Variants in FREM1 observed in about 807,000 individuals in gnomAD.
The protein encoded by FREM1 is FRAS1 related extracellular matrix 1.
FREM1 carries 220 observed loss-of-function variants against 210.1 expected under a neutral mutation model. The observed-to-expected ratio is 1.05, with a 90% CI of 0.94 to 1.17. FREM1 has a LOEUF of 1.17. FREM1 is among the 50% of genes most tolerant of loss of function. FREM1 has a pLI of 0.00. For missense variants in FREM1, 3,454 were observed against 2,675.5 expected (o/e 1.29, Z -6.42); for synonymous variants, 1,189 against 980.2 (o/e 1.21, Z -3.98).
intron 23 of FREM1, among the ~76,000 whole-genome samples, chr9:14,787,987 A>C (rs1850679027): frequency 6.6e-6 from 1 of 152,214 alleles, no homozygotes. Flanking sequence ...AAACTGAATT[A>C]ATTTTTTAAA....
At chr9:14,743,517 C>A (rs1423747470) in intron 35 of FREM1, among the ~76,000 whole-genome samples, 1 of 152,020 alleles carries the variant, frequency 6.6e-6, no homozygotes, top group Non-Finnish European at 1.5e-5. Context: ...CAATGTGACA[C>A]CACCATCCAT....
intron 1 of FREM1, among the ~76,000 whole-genome samples, chr9:14,880,287 A>G (rs1323488201): frequency 6.6e-6 from 1 of 152,158 alleles, no homozygotes; most frequent in Non-Finnish European, 1.5e-5. Flanking sequence ...TAAAAAAAGG[A>G]AAAGAAGAGC....
At chr9:14,749,491 C>T (rs1320331410) in intron 30 of FREM1, among the ~76,000 whole-genome samples, 1 of 152,004 alleles carries the variant, frequency 6.6e-6, no homozygotes, top group Non-Finnish European at 1.5e-5. Context: ...TACGAACACT[C>T]GTCAAATGCT....
intron 14 of FREM1, among the ~76,000 whole-genome samples, chr9:14,817,808 C>G (rs757154595): frequency 6.6e-6 from 1 of 152,142 alleles, no homozygotes; most frequent in Non-Finnish European, 1.5e-5. Flanking sequence ...GTCCCACATC[C>G]TCCCCACCCT....
chr9:14,760,759 C>A (rs1845342467), intron 27 of FREM1, among the ~76,000 whole-genome samples: 1 of 152,164 alleles, frequency 6.6e-6, no homozygotes, highest in African/African-American at 2.4e-5. Context: ...TACCATTTCT[C>A]TCCCCAACTG....
At chr9:14,782,851 A>G (rs1345682650) in intron 24 of FREM1, among the ~76,000 whole-genome samples, 1 of 152,186 alleles carries the variant, frequency 6.6e-6, no homozygotes, top group Non-Finnish European at 1.5e-5. Context: ...GCATCATTCC[A>G]TTTCAAAGAA....
intron 1 of FREM1, among the ~76,000 whole-genome samples, chr9:14,908,739 C>G (rs1818229805): frequency 6.6e-6 from 1 of 152,154 alleles, no homozygotes; most frequent in Non-Finnish European, 1.5e-5. Flanking sequence ...CAATGTAGAG[C>G]AATGTTTACC....
chr9:14,867,660 G>A (rs565883329), intron 2 of FREM1, among the ~76,000 whole-genome samples: 1 of 152,086 alleles, frequency 6.6e-6, no homozygotes, highest in African/African-American at 2.4e-5. Flanking sequence ...GTAATACCTA[G>A]TACCACTTTT....
In FREM1 at chr9:14,775,925, C is replaced by T. The variant is rs1563897864; in HGVS notation, c.4721G>A (p.Ser1574Asn). ...TGAGTGCCGATAGGCCACATTCTTG[C>T]TGTCCACATCCTGCTGGGTGAAATT... ...QHNFTQQDVD[S>N]KNVAYRHSGG... The change falls in exon 25 of 37, where the codon AGC (serine) becomes AAC (asparagine). Residue 1574 changes from serine to asparagine, a missense_variant. Ser to Asn is a conservative substitution (Grantham distance 46). Coordinates refer to ENST00000380880, the MANE Select transcript of FREM1 (RefSeq NM_001379081.2). 6.2e-7 allele frequency: 1 copy of T among 1,613,992 alleles called. No individual in the cohort carries two copies. The highest frequency in any genetic ancestry group is 8.5e-7 in the Non-Finnish European group (1 of 1,179,876).
intron 22 of FREM1, 79 bp from the exon 23 acceptor site, chr9:14,789,193 C>A: frequency 1.2e-6 from 1 of 836,962 alleles, no homozygotes; most frequent in Non-Finnish European, 1.7e-6. Context: ...TTTTCTGTAT[C>A]CCCTAAAAAC....
chr9:14,782,403 T>C (rs919673342), intron 24 of FREM1: 3 of 945,824 alleles, frequency 3.2e-6, no homozygotes, highest in Admixed American at 6.2e-5. Context: ...ATGCATTCAG[T>C]CCTGTGTTCT....
At position 14,747,767 on chromosome 9, in the gene FREM1, T is replaced by A. The variant is rs369579969; in HGVS notation, c.5797-39A>T. ...AGAACAAAATATGAACAGAATTGGATTGACTAATAACTAGCAATAGGGTAA... is the reference window on the plus strand; with the variant it reads ...AGAACAAAATATGAACAGAATTGGAATGACTAATAACTAGCAATAGGGTAA... On this transcript the variant is annotated intron_variant, in intron 31 of 36. Transcript: ENST00000380880. The A allele has an allele frequency of 2.4e-5, 32 of 1,318,242 alleles. No homozygotes were observed. The African/African-American group carries it at 3.7e-4, about 15-fold the overall frequency. The allele number at this position is 1,318,242 out of a possible 1,614,324, so 81.7% of individuals were successfully genotyped here.
At chr9:14,771,611 C>G (rs1018312964) in intron 25 of FREM1, among the ~76,000 whole-genome samples, 3 of 152,116 alleles carry the variant, frequency 2.0e-5, no homozygotes, top group African/African-American at 4.8e-5. Context: ...TAGAACAGAT[C>G]CACCACTGAT....
At position 14,752,751 on chromosome 9, in the gene FREM1, G is replaced by A. The variant is rs563293818; in HGVS notation, c.5408-2475C>T. Reference sequence around the variant, plus strand: ...TGTTTTGACCCTCAAAGACCATAAAGTTAAGCATCATGTAAATAAAATCCA... The same window carrying A: ...TGTTTTGACCCTCAAAGACCATAAAATTAAGCATCATGTAAATAAAATCCA... On this transcript the variant is annotated intron_variant, in intron 29 of 36. Transcript: ENST00000380880. Among the ~76,000 whole-genome samples the A allele has an allele frequency of 2.2e-4, 34 of 152,188 alleles. No homozygotes were observed. The South Asian group carries it at 6.4e-3, about 29-fold the overall frequency.
intron 5 of FREM1, among the ~76,000 whole-genome samples, chr9:14,854,258 T>A (rs1173937270): frequency 6.6e-6 from 1 of 152,174 alleles, no homozygotes; most frequent in African/African-American, 2.4e-5. Flanking sequence ...ATTTTTTTAA[T>A]TAGCAAGAAA....
At chr9:14,906,182 AC>A (rs1259935869) in intron 1 of FREM1, among the ~76,000 whole-genome samples, 1 of 152,198 alleles carries the variant, frequency 6.6e-6, no homozygotes, top group South Asian at 2.1e-4. Flanking sequence ...AGTATCAATG[AC>A]CTCATTTTAC....
chr9:14,752,360 T>G (rs1843540576), intron 29 of FREM1, among the ~76,000 whole-genome samples: 1 of 151,972 alleles, frequency 6.6e-6, no homozygotes, highest in African/African-American at 2.4e-5. Flanking sequence ...AGGTCTTGAC[T>G]CGGGAAGGGT....
Position 14,859,074 on chromosome 9 carries a change from G to C in FREM1, c.631+109C>G. ...ACCACTAACTGACACTGTTCAGCCA[G>C]CTAAAATGACTAGTTAACTAGAACT... is the stretch of plus-strand genomic sequence containing the variant. On this transcript the variant is annotated intron_variant, in intron 4 of 36. Transcript: ENST00000380880. 4.5e-6 allele frequency: 4 copies of C among 883,334 alleles called. No homozygotes were observed. In the South Asian group the frequency reaches 8.5e-5, roughly 19 times the overall value. The allele number at this position is 883,334 out of a possible 1,614,324, so 54.7% of individuals were successfully genotyped here. A position where few individuals can be genotyped will look rare whatever the true frequency, so the allele number is the denominator to read the frequency against.
chr9:14,775,771 T>C lies in FREM1; in HGVS notation c.4857+18A>G, dbSNP rs769517176. ...GTTTTCACATCTCTGGCAAATGAAC[T>C]GTGTTTTTCATACTTGCCTGAATGG... is the stretch of plus-strand genomic sequence containing the variant. On this transcript the variant is annotated intron_variant, in intron 25 of 36. Transcript: ENST00000380880. The C allele has an allele frequency of 1.1e-5, 15 of 1,422,996 alleles. No individual in the cohort carries two copies. Among genetic ancestry groups the C allele is most frequent in the Non-Finnish European group, 1.5e-5 (15 of 1,016,240 alleles). 88.1% of individuals were successfully genotyped at this position (1,422,996 alleles called of 1,614,324 possible). A position where few individuals can be genotyped will look rare whatever the true frequency, so the allele number is the denominator to read the frequency against.
Sources: gnomAD v4.1 joint callset for allele counts (sites outside exome capture counted in the v4.1 genomes callset) on GRCh38, gnomAD v4.1.1 for gene constraint, MANE v1.5 for transcripts, NCBI Gene and HGNC (gene_info 2026-07-23, HGNC 2026-07-21) for gene names.